PDE1C: variants seen among roughly 807,000 people sequenced by gnomAD.
The protein encoded by PDE1C is phosphodiesterase 1C, also known as dual specificity calcium/calmodulin-dependent 3',5'-cyclic nucleotide phosphodiesterase 1C.
A neutral mutation model predicts 93.1 loss-of-function variants in PDE1C; 62 were observed. The observed-to-expected ratio is 0.67, with a 90% confidence interval of 0.54 to 0.82. The LOEUF (loss-of-function observed/expected upper bound fraction) is 0.82, where lower values mean the gene tolerates loss of function less well. PDE1C is among the 40% of genes least tolerant of loss of function. The pLI is 0.00. For missense variants in PDE1C, 742 were observed against 884.6 expected, an observed-to-expected ratio of 0.84 and a Z score of 2.04; for synonymous variants, 325 against 310.1, an observed-to-expected ratio of 1.05 and a Z score of -0.50.
intron 3 of PDE1C, among the ~76,000 whole-genome samples, chr7:32,130,689 C>G (rs1799866422): frequency 6.6e-6 from 1 of 152,084 alleles, no homozygotes; most frequent in Non-Finnish European, 1.5e-5. Context: ...AGCAGGGAAA[C>G]AGACTCCCAC....
the PDE1C span, among the ~76,000 whole-genome samples, chr7:31,635,720 T>C: frequency 2.0e-5 from 3 of 152,090 alleles, no homozygotes; most frequent in Admixed American, 2.0e-4. Flanking sequence ...GAAAAGAGGT[T>C]TAAATGAGAA....
intron 3 of PDE1C, among the ~76,000 whole-genome samples, chr7:32,103,210 T>C (rs539038194): frequency 3.3e-5 from 5 of 152,288 alleles, no homozygotes; most frequent in African/African-American, 1.2e-4. Context: ...AACAGATATT[T>C]GGAAGCAGAA....
intron 1 of PDE1C, among the ~76,000 whole-genome samples, chr7:32,381,746 C>G (rs978962219): frequency 6.6e-6 from 1 of 152,200 alleles, no homozygotes; most frequent in African/African-American, 2.4e-5. Context: ...TCTGCTTAGC[C>G]TGCCTTACAT....
At chr7:32,201,323 G>A (rs1437666262) in intron 2 of PDE1C, among the ~76,000 whole-genome samples, 2 of 152,182 alleles carry the variant, frequency 1.3e-5, no homozygotes, top group African/African-American at 2.4e-5. Flanking sequence ...AGAGGAGGAG[G>A]TGCTTGGAGT....
Position 31,988,641 on chromosome 7 carries a change from T to C in PDE1C, c.128+62913A>G, listed in dbSNP as rs141362582. Among the ~76,000 whole-genome samples the C allele has an allele frequency of 2.6e-3, 403 of 152,244 alleles. 3 individuals are homozygous for C. Among genetic ancestry groups the C allele is most frequent in the African/African-American group, 6.1e-3 (254 of 41,548 alleles). ...GAGACTGAAGCAAGAGAATCAGGCT[T>C]GAGCCCAGGAGTTCCAGTTCAGCCT... is the stretch of plus-strand genomic sequence containing the variant. On this transcript the variant is annotated intron_variant, in intron 2 of 17. Transcript: ENST00000396191.
rs1349011491 is a variant in PDE1C, at chr7:32,423,376, CA to C, written c.310+4445del. Among the ~76,000 whole-genome samples, 3 of 151,934 alleles carry C rather than the reference CA, an allele frequency of 2.0e-5. No individual in the cohort carries two copies. In the East Asian group the frequency reaches 5.8e-4, roughly 29 times the overall value. ...TGGACAAGACAGTGAGACCCTGTAT[CA>C]AAAAACAAATAAAAAATAAAAAAGA... is the stretch of plus-strand genomic sequence containing the variant. On this transcript the variant is annotated intron_variant, in intron 1 of 1. Coordinates refer to the PDE1C transcript ENST00000672256.
intron 1 of PDE1C, among the ~76,000 whole-genome samples, chr7:32,378,960 G>A (rs1784482970): frequency 6.6e-6 from 1 of 152,228 alleles, no homozygotes; most frequent in Non-Finnish European, 1.5e-5. Flanking sequence ...CTATCAGGCA[G>A]TTACAATCTG....
chr7:32,026,389 G>A (rs1420037758), intron 2 of PDE1C, among the ~76,000 whole-genome samples: 1 of 152,108 alleles, frequency 6.6e-6, no homozygotes, highest in Non-Finnish European at 1.5e-5. Flanking sequence ...GTCGATCTCA[G>A]AACATCAAGA....
rs560996898 is a variant in PDE1C at position 31,946,829 on chromosome 7, C to T, written c.129-65969G>A. On this transcript the variant is annotated intron_variant, in intron 2 of 17. Transcript: ENST00000396191. The stretch of plus-strand genomic sequence containing the variant: ...ATGGCCTGGTGTTGGGTCCAGCTGC[C>T]CCAACATCTCTAAAGTGTGTGTGTG... 2.0e-5 allele frequency among the ~76,000 whole-genome samples: 3 copies of T among 152,282 alleles called. No individual in the cohort carries two copies. The South Asian group carries it at 6.2e-4, about 32-fold the overall frequency.
chr7:32,298,831 C>T (rs747244944), exon 1 of PDE1C: 1 of 1,436,674 alleles, frequency 7.0e-7, no homozygotes, highest in Non-Finnish European at 9.1e-7. Context: ...GGCGGCGAAT[C>T]CTCCCCCGGC....
At chr7:32,275,078 T>C (rs7778443) in intron 1 of PDE1C, among the ~76,000 whole-genome samples, 76,373 of 152,032 alleles carry the variant, frequency 0.5, 22,138 homozygotes, top group Admixed American at 0.64. Flanking sequence ...TTGGAGAGAT[T>C]ATTGCTTGAA....
chr7:31,863,460 G>A (rs1794912376), intron 7 of PDE1C, among the ~76,000 whole-genome samples: 1 of 152,056 alleles, frequency 6.6e-6, no homozygotes, highest in Non-Finnish European at 1.5e-5. Context: ...ATATTAATGT[G>A]GGTATCCCTG....
intron 3 of PDE1C, among the ~76,000 whole-genome samples, chr7:32,113,385 T>C (rs60240574): frequency 0.1 from 14,980 of 148,986 alleles, 1,128 homozygotes; most frequent in East Asian, 0.2. Flanking sequence ...TCTGTCTGTC[T>C]ACATGTGAAT....
At chr7:31,695,417 G>A in the PDE1C span, 2 of 1,514,094 alleles carry the variant, frequency 1.3e-6, no homozygotes, top group East Asian at 4.6e-5. Context: ...GTTTGTGACT[G>A]GATCCTTAAT....
chr7:31,845,192 T>C (rs1054943459), intron 9 of PDE1C, among the ~76,000 whole-genome samples: 15 of 152,122 alleles, frequency 9.9e-5, no homozygotes, highest in African/African-American at 3.6e-4. Flanking sequence ...TCACTGAGCA[T>C]AGAAATAATA....
At chr7:32,280,979 T>C (rs1412306805) in intron 1 of PDE1C, among the ~76,000 whole-genome samples, 1 of 152,162 alleles carries the variant, frequency 6.6e-6, no homozygotes, top group East Asian at 1.9e-4. Flanking sequence ...AGTGAGACTT[T>C]TTCTCTAAAA....
At chr7:31,685,683 C>A in the PDE1C span, among the ~76,000 whole-genome samples, 1 of 152,076 alleles carries the variant, frequency 6.6e-6, no homozygotes, top group Non-Finnish European at 1.5e-5. Flanking sequence ...CAAACCTGCA[C>A]GTCCTGCACA....
chr7:31,745,434 CAGG>C, the PDE1C span, among the ~76,000 whole-genome samples: 5 of 152,090 alleles, frequency 3.3e-5, no homozygotes. Flanking sequence ...CCCTGCTCTC[CAGG>C]AAATGATAAT....
intron 2 of PDE1C, among the ~76,000 whole-genome samples, chr7:32,037,422 A>G (rs1373325233): frequency 6.6e-6 from 1 of 152,146 alleles, no homozygotes; most frequent in African/African-American, 2.4e-5. Flanking sequence ...TCTTGCATAC[A>G]AACCTCACTC....
Sources: gnomAD v4.1 joint callset for allele counts (sites outside exome capture counted in the v4.1 genomes callset) on GRCh38, gnomAD v4.1.1 for gene constraint, MANE v1.5 for transcripts, NCBI Gene and HGNC (gene_info 2026-07-23, HGNC 2026-07-21) for gene names.